Variants in ZFHX3 observed in about 807,000 individuals in gnomAD.
The protein encoded by ZFHX3 is zinc finger homeobox 3.
In ZFHX3, 42 loss-of-function variants were observed where a neutral mutation model predicts 279.1. That is an observed-to-expected ratio of 0.15 (90% CI 0.12 to 0.19). The LOEUF is 0.19. Ranked by LOEUF, ZFHX3 falls within the 10% of genes least tolerant of loss-of-function variation. The probability of loss-of-function intolerance (pLI) is 1.00; values close to 1 mark genes in which losing one functional copy is unlikely to be tolerated. For synonymous variants in ZFHX3, 2,293 were observed against 1,957.8 expected (o/e 1.17, Z -4.52); for missense variants, 4,981 against 4,754.0 (o/e 1.05, Z -1.40).
At chr16:72,947,323 G>A (rs565289484) in intron 3 of ZFHX3, among the ~76,000 whole-genome samples, 34 of 152,346 alleles carry the variant, frequency 2.2e-4, no homozygotes, top group Admixed American at 1.2e-3. Flanking sequence ...TCCAGGCAAC[G>A]AAGACAATAT....
intron 2 of ZFHX3, among the ~76,000 whole-genome samples, chr16:73,604,493 C>T (rs2052157387): frequency 6.6e-6 from 1 of 152,114 alleles, no homozygotes; most frequent in Non-Finnish European, 1.5e-5. Flanking sequence ...CGCCTGTAAT[C>T]CCAGCACTTT....
chr16:73,458,679 G>A lies in ZFHX3; in HGVS notation c.-1546-2421C>T, dbSNP rs548480261. ...TGTCTTGATGCGGGTTGGCTCCCTC[G>A]GTCACCTCTCCCTACCCCAGGTCAC... On this transcript the variant is annotated intron_variant, in intron 2 of 17. Coordinates refer to the ZFHX3 transcript ENST00000641206. 5.9e-5 allele frequency among the ~76,000 whole-genome samples: 9 copies of A among 151,950 alleles called. No homozygotes were observed. The South Asian group carries it at 1.0e-3, about 18-fold the overall frequency.
At chr16:73,574,344 G>GC (rs1256566457) in intron 2 of ZFHX3, among the ~76,000 whole-genome samples, 1 of 144,784 alleles carries the variant, frequency 6.9e-6, no homozygotes, top group African/African-American at 2.8e-5. Flanking sequence ...TCATTTCTTG[G>GC]GCCCCCCCCA....
chr16:73,093,468 C>A, exon 8 of ZFHX3: 1 of 499,230 alleles, frequency 2.0e-6, no homozygotes, highest in Non-Finnish European at 4.0e-6. Context: ...TTCCAGGGCT[C>A]TCAGAGCTTC....
At chr16:73,126,492 C>T (rs1285422850) in intron 7 of ZFHX3, 1 of 152,050 alleles carries the variant, frequency 6.6e-6, no homozygotes, top group African/African-American at 2.4e-5. Flanking sequence ...TTGGGAGCCA[C>T]GTGATAGGTG....
chr16:73,770,940 A>G (rs2054011148), intron 1 of ZFHX3, among the ~76,000 whole-genome samples: 1 of 152,190 alleles, frequency 6.6e-6, no homozygotes, highest in Non-Finnish European at 1.5e-5. Context: ...GCAAGGTAAG[A>G]CATTGTCATG....
At chr16:73,284,045 G>A (rs554493126) in intron 4 of ZFHX3, among the ~76,000 whole-genome samples, 1 of 152,022 alleles carries the variant, frequency 6.6e-6, no homozygotes, top group Non-Finnish European at 1.5e-5. Flanking sequence ...CTGGCCAGGC[G>A]CGGTGGCTCA....
chr16:73,290,830 G>A (rs2143097591), intron 4 of ZFHX3, among the ~76,000 whole-genome samples: 1 of 152,296 alleles, frequency 6.6e-6, no homozygotes, highest in Admixed American at 6.5e-5. Context: ...TGTGTTGGGA[G>A]TAGAATTAAG....
At chr16:72,926,739 G>A (rs560640029) in intron 3 of ZFHX3, among the ~76,000 whole-genome samples, 1 of 152,294 alleles carries the variant, frequency 6.6e-6, no homozygotes, top group East Asian at 1.9e-4. Context: ...GTATTCAGAT[G>A]AGGGGCGATT....
intron 7 of ZFHX3, among the ~76,000 whole-genome samples, chr16:73,102,795 T>C (rs1833617337): frequency 6.6e-6 from 1 of 152,208 alleles, no homozygotes; most frequent in African/African-American, 2.4e-5. Context: ...GTAATAATAG[T>C]ACCTCTCTTA....
At chr16:73,020,392 A>T (rs543411991) in intron 1 of ZFHX3, among the ~76,000 whole-genome samples, 1 of 138,486 alleles carries the variant, frequency 7.2e-6, no homozygotes, top group East Asian at 2.1e-4. Context: ...GATTTCTCAC[A>T]AGAAATTTCC....
At chr16:73,386,895 CA>C (rs1220004488) in intron 3 of ZFHX3, 4 of 152,146 alleles carry the variant, frequency 2.6e-5, no homozygotes, top group Non-Finnish European at 5.9e-5. Flanking sequence ...TCTATTTTGT[CA>C]GGGGTGGCAT....
Position 73,529,494 on chromosome 16 carries a change from G to A in ZFHX3, c.-1546-73236C>T, listed in dbSNP as rs560304415. 5.3e-5 allele frequency among the ~76,000 whole-genome samples: 8 copies of A among 152,260 alleles called. No homozygotes were observed. The East Asian group carries it at 7.7e-4, about 15-fold the overall frequency. ...GCAGGGAGGTTACTGGCAGGTCCCCGGCAGCAGTGACACTCAGAGACAGCA... is the reference window on the plus strand; with the variant it reads ...GCAGGGAGGTTACTGGCAGGTCCCCAGCAGCAGTGACACTCAGAGACAGCA... On this transcript the variant is annotated intron_variant, in intron 2 of 17. Coordinates refer to the ZFHX3 transcript ENST00000641206.
chr16:73,169,027 ATTAGAATCCTATCT>A (rs1220589454), intron 5 of ZFHX3, among the ~76,000 whole-genome samples: 1 of 152,226 alleles, frequency 6.6e-6, no homozygotes, highest in African/African-American at 2.4e-5. Context: ...GGTTCAGCAT[ATTAGAATCCTATCT>A]TTGAGAAAGG....
chr16:73,252,143 T>C (rs2013528903), intron 5 of ZFHX3, among the ~76,000 whole-genome samples: 1 of 152,174 alleles, frequency 6.6e-6, no homozygotes, highest in African/African-American at 2.4e-5. Flanking sequence ...TTTTAGCTGC[T>C]GGGCAGGAAG....
intron 2 of ZFHX3, among the ~76,000 whole-genome samples, chr16:73,667,480 T>C (rs867502618): frequency 7.9e-5 from 12 of 152,256 alleles, no homozygotes; most frequent in African/African-American, 2.9e-4. Flanking sequence ...TTCAGTTTAT[T>C]TTTAAGAACT....
chr16:72,941,071 A>C (rs1960388684), intron 3 of ZFHX3, among the ~76,000 whole-genome samples: 1 of 152,246 alleles, frequency 6.6e-6, no homozygotes, highest in Non-Finnish European at 1.5e-5. Context: ...GGAGTGAACC[A>C]GGGGCAGCTT....
intron 5 of ZFHX3, among the ~76,000 whole-genome samples, chr16:73,236,505 G>T (rs574791610): frequency 1.3e-5 from 2 of 152,264 alleles, no homozygotes; most frequent in East Asian, 3.9e-4. Context: ...CACGGGAATT[G>T]CTGAATTGCT....
At position 73,009,974 on chromosome 16, in the gene ZFHX3, T is replaced by C. The variant is rs376223643; in HGVS notation, c.-50+37778A>G. Among the ~76,000 whole-genome samples the C allele has an allele frequency of 1.1e-3, 156 of 147,368 alleles. 1 individual carries two copies. In the South Asian group the frequency reaches 0.019, roughly 18 times the overall value. On this transcript the variant is annotated intron_variant, in intron 1 of 9. Coordinates refer to ENST00000268489, the MANE Select transcript of ZFHX3 (RefSeq NM_006885.4). ...AAGCAGAGGTTGCAGTGAGCCGAGA[T>C]TGCATCACTGCACTCCAGCCTGGGT...
Sources: allele counts gnomAD v4.1 joint callset (sites outside exome capture counted in the v4.1 genomes callset), GRCh38; gene constraint gnomAD v4.1.1; transcripts MANE v1.5; gene names NCBI Gene and HGNC (gene_info 2026-07-23, HGNC 2026-07-21).